Variants in RRM2B observed in about 807,000 individuals in gnomAD.
RRM2B encodes the protein ribonucleoside-diphosphate reductase subunit M2 B.
In RRM2B, 20 loss-of-function variants were observed where a neutral mutation model predicts 45.9. The observed-to-expected ratio is 0.44, with a 90% CI of 0.31 to 0.63. The LOEUF is 0.63. Ranked by LOEUF, RRM2B falls within the 30% of genes least tolerant of loss-of-function variation. RRM2B has a pLI of 0.09. For synonymous variants in RRM2B, 124 were observed against 132.3 expected (o/e 0.94, Z 0.43); for missense variants, 320 against 414.7 (o/e 0.77, Z 1.98).
intron 6 of RRM2B, among the ~76,000 whole-genome samples, chr8:102,218,307 C>T (rs772254029): frequency 6.6e-6 from 1 of 151,974 alleles, no homozygotes; most frequent in Admixed American, 6.6e-5. Context: ...ACCAGGAGAC[C>T]GAGGAGAAAT....
chr8:102,229,881 G>A (rs1200394067), intron 2 of RRM2B, among the ~76,000 whole-genome samples: 1 of 151,928 alleles, frequency 6.6e-6, no homozygotes, highest in Non-Finnish European at 1.5e-5. Flanking sequence ...CACCATGCTC[G>A]ACCTCTTATA....
chr8:102,237,632 G>GT (rs1811143637), intron 1 of RRM2B, among the ~76,000 whole-genome samples: 1 of 152,328 alleles, frequency 6.6e-6, no homozygotes, highest in East Asian at 1.9e-4. Flanking sequence ...TTGCGGGTCT[G>GT]TATCATTGAG....
At position 102,204,895 on chromosome 8, in the gene RRM2B, A is replaced by G. The variant is rs1199854715; in HGVS notation, c.*3238T>C. The G allele has an allele frequency of 6.6e-6, 1 of 152,232 alleles. No homozygotes were observed. The allele number at this position is 152,232 out of a possible 1,614,324, so 9.4% of individuals were successfully genotyped here. On this transcript the variant is annotated 3_prime_UTR_variant, in exon 9 of 9. Coordinates refer to ENST00000251810, the MANE Select transcript of RRM2B (RefSeq NM_015713.5). ...TCTCTCCAGCCTTCCATCTTCACTT[A>G]CATTTTTTTAAACAAGATTAAGCCC...
chr8:102,216,154 T>C (rs535027851), intron 6 of RRM2B, among the ~76,000 whole-genome samples: 58 of 152,038 alleles, frequency 3.8e-4, no homozygotes, highest in African/African-American at 1.3e-3. Flanking sequence ...AAAACCTTAA[T>C]AGATAATAAA....
Position 102,206,490 on chromosome 8 carries a change from T to G in RRM2B, c.*1643A>C, listed in dbSNP as rs967863435. 1 of 152,188 alleles carries G rather than the reference T, an allele frequency of 6.6e-6. No individual in the cohort carries two copies. Among genetic ancestry groups the G allele is most frequent in the African/African-American group, 2.4e-5 (1 of 41,440 alleles). The allele number at this position is 152,188 out of a possible 1,614,324, so 9.4% of individuals were successfully genotyped here. On this transcript the variant is annotated 3_prime_UTR_variant, in exon 9 of 9. Transcript: ENST00000251810. ...ACAAATAAAGTTATGGCCTGCTCCTTTTGCATTCACTTGAGAACTCCCAGT... is the reference window on the plus strand; with the variant it reads ...ACAAATAAAGTTATGGCCTGCTCCTGTTGCATTCACTTGAGAACTCCCAGT...
chr8:102,238,800 G>C, intron 1 of RRM2B, 27 bp downstream of exon 1: 2 of 1,613,710 alleles, frequency 1.2e-6, no homozygotes, highest in African/African-American at 1.3e-5. Context: ...ACTGCGGTGA[G>C]GGGGAAGACG....
At chr8:102,232,903 TATG>T (rs888535894) in intron 1 of RRM2B, among the ~76,000 whole-genome samples, 1 of 152,260 alleles carries the variant, frequency 6.6e-6, no homozygotes, top group African/African-American at 2.4e-5. Flanking sequence ...CATTACTGCA[TATG>T]ATCTCACTGT....
Position 102,232,133 on chromosome 8 carries a change from A to G in RRM2B, c.204+16T>C. On this transcript the variant is annotated intron_variant, in intron 2 of 8. Transcript: ENST00000251810. The stretch of plus-strand genomic sequence containing the variant: ...CACTATAGGATGTGAATGCTCTTGG[A>G]GGCAATGCCACGTACCTCTTCTGCT... The G allele has an allele frequency of 6.2e-7, 1 of 1,612,690 alleles. No individual in the cohort carries two copies. The highest frequency in any genetic ancestry group is 8.5e-7 in the Non-Finnish European group (1 of 1,178,664).
At chr8:102,220,654 T>C (rs1250495535) in intron 5 of RRM2B, among the ~76,000 whole-genome samples, 1 of 152,190 alleles carries the variant, frequency 6.6e-6, no homozygotes, top group Non-Finnish European at 1.5e-5. Context: ...CCCTGGCTGG[T>C]TTGAACTTCT....
intron 1 of RRM2B, among the ~76,000 whole-genome samples, chr8:102,232,640 G>A (rs1811052979): frequency 6.6e-6 from 1 of 152,170 alleles, no homozygotes; most frequent in East Asian, 1.9e-4. Flanking sequence ...TTGAGGATAA[G>A]TACAAAGCTA....
Position 102,220,108 on chromosome 8 carries a change from G to A in RRM2B, c.551-1161C>T, listed in dbSNP as rs28928590. ...TTAAAAATTAGCTGGGTGTGGTGGT[G>A]CGCACCTGTAGTCACAGCTACCTGG... On this transcript the variant is annotated intron_variant, in intron 5 of 8. Coordinates refer to ENST00000251810, the MANE Select transcript of RRM2B (RefSeq NM_015713.5). Among the ~76,000 whole-genome samples the A allele has an allele frequency of 7.3e-3, 1,118 of 152,200 alleles. 16 individuals are homozygous for A. Among genetic ancestry groups the A allele is most frequent in the African/African-American group, 0.026 (1,070 of 41,518 alleles).
At chr8:102,228,752 G>C (rs1810977092) in intron 2 of RRM2B, among the ~76,000 whole-genome samples, 1 of 152,170 alleles carries the variant, frequency 6.6e-6, no homozygotes, top group East Asian at 1.9e-4. Context: ...GAGCGCAATG[G>C]GTTCAAGTGA....
intron 2 of RRM2B, 25 bp from the exon 3 acceptor site, chr8:102,226,059 T>G: frequency 6.9e-7 from 1 of 1,448,172 alleles, no homozygotes; most frequent in East Asian, 2.3e-5. Context: ...TTTTCAAAAA[T>G]TTTAATTTGG....
At chr8:102,221,416 T>C (rs1287050740) in intron 5 of RRM2B, among the ~76,000 whole-genome samples, 3 of 152,196 alleles carry the variant, frequency 2.0e-5, no homozygotes, top group Admixed American at 6.5e-5. Flanking sequence ...CTACTAATGG[T>C]GCAGGTAGCC....
intron 1 of RRM2B, chr8:102,238,548 G>A (rs925432756): frequency 2.1e-5 from 31 of 1,505,356 alleles, no homozygotes; most frequent in Non-Finnish European, 2.7e-5. Context: ...AAACGCAGGG[G>A]TAAGTCTCAC....
In RRM2B at chr8:102,224,025, A is replaced by T; in HGVS notation, c.550+21T>A. The stretch of plus-strand genomic sequence containing the variant: ...TATCACCTTAGGCAAATCTGATCAT[A>T]CATAAATTAGAGCCACATACCAAAA... On this transcript the variant is annotated intron_variant, in intron 5 of 8. Transcript: ENST00000251810. 4.6e-6 allele frequency: 7 copies of T among 1,534,050 alleles called. 1 individual carries two copies. Among genetic ancestry groups the T allele is most frequent in the Non-Finnish European group, 6.3e-6 (7 of 1,107,366 alleles).
chr8:102,226,555 T>G (rs968334679), intron 2 of RRM2B, among the ~76,000 whole-genome samples: 1 of 151,988 alleles, frequency 6.6e-6, no homozygotes, highest in Non-Finnish European at 1.5e-5. Flanking sequence ...CTGAAGTAAA[T>G]AAACTAATGA....
At chr8:102,216,946 A>G (rs1272515543) in intron 6 of RRM2B, among the ~76,000 whole-genome samples, 2 of 152,088 alleles carry the variant, frequency 1.3e-5, no homozygotes, top group Non-Finnish European at 2.9e-5. Context: ...ATCTGCAAGT[A>G]AGTATGTATG....
chr8:102,209,295 T>C (rs1314399731), intron 8 of RRM2B, among the ~76,000 whole-genome samples: 1 of 152,132 alleles, frequency 6.6e-6, no homozygotes, highest in African/African-American at 2.4e-5. Flanking sequence ...CAGATAAACA[T>C]ATATTCAAGT....
Sources: allele counts gnomAD v4.1 joint callset (sites outside exome capture counted in the v4.1 genomes callset), GRCh38; gene constraint gnomAD v4.1.1; transcripts MANE v1.5; gene names NCBI Gene and HGNC (gene_info 2026-07-23, HGNC 2026-07-21).